Variants in EXT1 observed in about 807,000 individuals in gnomAD.
EXT1 encodes exostosin glycosyltransferase 1, also known as exostosin-1.
EXT1 carries 20 observed loss-of-function variants against 82.5 expected under a neutral mutation model. The ratio of observed to expected loss-of-function variants is 0.24; its 90% CI spans 0.17 to 0.35. EXT1 has a LOEUF of 0.35. EXT1 is among the 10% of genes least tolerant of loss of function. EXT1 has a pLI of 1.00. For synonymous variants in EXT1, 348 were observed against 350.8 expected (o/e 0.99, Z 0.09); for missense variants, 757 against 936.5 (o/e 0.81, Z 2.50).
intron 3 of EXT1, among the ~76,000 whole-genome samples, chr8:117,833,979 T>C (rs955504066): frequency 6.6e-6 from 1 of 152,206 alleles, no homozygotes; most frequent in African/African-American, 2.4e-5. Flanking sequence ...CAGTGGGAAA[T>C]CATTGGCATA....
chr8:117,858,451 C>T (rs1341721418), intron 1 of EXT1, among the ~76,000 whole-genome samples: 1 of 151,942 alleles, frequency 6.6e-6, no homozygotes, highest in Non-Finnish European at 1.5e-5. Flanking sequence ...GCAGGCAGAT[C>T]ATTTGAGGTC....
rs17474797 is a variant in EXT1, at chr8:117,847,801, C to T, written c.963-10600G>A. On this transcript the variant is annotated intron_variant, in intron 1 of 10. Coordinates refer to ENST00000378204, the MANE Select transcript of EXT1 (RefSeq NM_000127.3). Reference sequence around the variant, plus strand: ...CTACTGTTCTCACCCCCAGGGCAGGCACTGTGCAGAGTCTGTCCCGTGACC... The same window carrying T: ...CTACTGTTCTCACCCCCAGGGCAGGTACTGTGCAGAGTCTGTCCCGTGACC... 3.8e-3 allele frequency among the ~76,000 whole-genome samples: 576 copies of T among 152,366 alleles called. 1 individual carries two copies. Among genetic ancestry groups the T allele is most frequent in the African/African-American group, 0.013 (535 of 41,594 alleles).
At chr8:118,069,315 G>A (rs1474791823) in intron 1 of EXT1, among the ~76,000 whole-genome samples, 1 of 152,120 alleles carries the variant, frequency 6.6e-6, no homozygotes, top group East Asian at 1.9e-4. Flanking sequence ...ATCAAAGAGT[G>A]GTCTCACTCT....
intron 1 of EXT1, among the ~76,000 whole-genome samples, chr8:118,040,057 A>G (rs1816501194): frequency 6.6e-6 from 1 of 152,190 alleles, no homozygotes; most frequent in Non-Finnish European, 1.5e-5. Context: ...AAAATCTCAA[A>G]TGAGAAGCAG....
At chr8:117,920,486 T>C (rs1454858464) in intron 1 of EXT1, among the ~76,000 whole-genome samples, 1 of 152,148 alleles carries the variant, frequency 6.6e-6, no homozygotes, top group African/African-American at 2.4e-5. Context: ...CCTAAATCCC[T>C]CCTGTGTTCT....
At chr8:118,087,929 C>T (rs1402529866) in intron 1 of EXT1, among the ~76,000 whole-genome samples, 2 of 122,308 alleles carry the variant, frequency 1.6e-5, no homozygotes, top group African/African-American at 6.7e-5. Flanking sequence ...TTGTTTTATT[C>T]GTTTCAGGGC....
At chr8:117,835,028 C>T (rs1170495626) in intron 3 of EXT1, among the ~76,000 whole-genome samples, 7 of 152,130 alleles carry the variant, frequency 4.6e-5, no homozygotes, top group Non-Finnish European at 1.0e-4. Context: ...GGAACGATAA[C>T]ACTAATTACA....
intron 1 of EXT1, among the ~76,000 whole-genome samples, chr8:117,842,448 G>T (rs1387819682): frequency 6.6e-6 from 1 of 152,062 alleles, no homozygotes; most frequent in African/African-American, 2.4e-5. Context: ...AAGGAATTTG[G>T]GTTCTTGATC....
At chr8:117,900,438 G>T (rs938372073) in intron 1 of EXT1, among the ~76,000 whole-genome samples, 1 of 152,166 alleles carries the variant, frequency 6.6e-6, no homozygotes, top group African/African-American at 2.4e-5. Flanking sequence ...TGCTTCCTGA[G>T]TTCATTCCAA....
At chr8:117,845,535 T>A (rs932249676) in intron 1 of EXT1, among the ~76,000 whole-genome samples, 1 of 138,816 alleles carries the variant, frequency 7.2e-6, no homozygotes, top group Non-Finnish European at 1.5e-5. Flanking sequence ...AACAGCTCAA[T>A]GGCTAATATA....
Position 117,807,247 on chromosome 8 carries a change from A to G in EXT1, c.1853T>C (p.Met618Thr). 6.2e-7 allele frequency: 1 copy of G among 1,614,190 alleles called. No individual in the cohort carries two copies. Among genetic ancestry groups the G allele is most frequent in the South Asian group, 1.1e-5 (1 of 91,076 alleles). The part of the protein sequence containing the change: ...YTSKWTNDYS[M>T]VLTGAAIYHK... ...GTAAATAGCAGCTCCTGTCAACACC[A>G]TGGAGTAGTCGTTCGTCCACTTTGA... Residue 618 changes from methionine to threonine, a missense_variant, in exon 9 of 11, where the codon ATG becomes ACG. By Grantham distance (81) the Met-to-Thr change is moderately conservative. Around this residue, in one of 4 missense-constraint regions of EXT1, gnomAD observed 128 missense variants for 223.2 expected, o/e 0.57. Coordinates refer to ENST00000378204, the MANE Select transcript of EXT1 (RefSeq NM_000127.3).
intron 1 of EXT1, among the ~76,000 whole-genome samples, chr8:117,929,400 C>T (rs1814009634): frequency 6.6e-6 from 1 of 152,214 alleles, no homozygotes; most frequent in African/African-American, 2.4e-5. Context: ...TTCCTCCCTG[C>T]TCTTCAATGT....
At chr8:117,986,768 T>C (rs1250066665) in intron 1 of EXT1, among the ~76,000 whole-genome samples, 1 of 152,192 alleles carries the variant, frequency 6.6e-6, no homozygotes, top group African/African-American at 2.4e-5. Context: ...CATGGAAACA[T>C]TTGCCAAGTG....
chr8:117,822,497 A>G lies in EXT1; in HGVS notation c.1385T>C (p.Leu462Pro), dbSNP rs1427260383. The G allele has an allele frequency of 6.2e-7, 1 of 1,613,426 alleles. No individual in the cohort carries two copies. Among genetic ancestry groups the G allele is most frequent in the African/African-American group, 1.3e-5 (1 of 74,934 alleles). The change falls in exon 5 of 11, where the codon CTG (leucine) becomes CCG (proline). Residue 462 changes from leucine (L) to proline (P), a missense_variant. Coordinates refer to ENST00000378204, the MANE Select transcript of EXT1 (RefSeq NM_000127.3). ...LFVLPQYSSY[L>P]GDFPYYYANL... Reference sequence around the variant, plus strand: ...AGCATAGTAGTAAGGAAAATCTCCCAGATAAGATGAATACTGTGGTAGTAC... The same window carrying G: ...AGCATAGTAGTAAGGAAAATCTCCCGGATAAGATGAATACTGTGGTAGTAC...
chr8:117,997,883 G>C (rs1815580015), intron 1 of EXT1, among the ~76,000 whole-genome samples: 1 of 152,088 alleles, frequency 6.6e-6, no homozygotes, highest in African/African-American at 2.4e-5. Flanking sequence ...GAATCACCCT[G>C]ACTGAGCAGC....
chr8:118,033,797 G>A (rs74654877), intron 1 of EXT1, among the ~76,000 whole-genome samples: 2,256 of 152,250 alleles, frequency 0.015, 60 homozygotes, highest in African/African-American at 0.051. Flanking sequence ...CTCATTTATT[G>A]AATGAAAAGT....
chr8:117,864,110 T>C (rs1454109886), intron 1 of EXT1, among the ~76,000 whole-genome samples: 1 of 152,122 alleles, frequency 6.6e-6, no homozygotes, highest in Non-Finnish European at 1.5e-5. Flanking sequence ...AGAACAACGC[T>C]GAGAAATAGG....
At chr8:117,827,259 T>C (rs1314129328) in intron 4 of EXT1, among the ~76,000 whole-genome samples, 1 of 152,188 alleles carries the variant, frequency 6.6e-6, no homozygotes, top group African/African-American at 2.4e-5. Flanking sequence ...AATAGAGATG[T>C]AGTTTAAGAT....
At chr8:117,887,857 G>A (rs551871339) in intron 1 of EXT1, among the ~76,000 whole-genome samples, 9 of 151,738 alleles carry the variant, frequency 5.9e-5, no homozygotes, top group South Asian at 2.1e-4. Flanking sequence ...AGTCTGAGGC[G>A]GGCGTATCAC....
Sources: gnomAD v4.1 joint callset for allele counts (sites outside exome capture counted in the v4.1 genomes callset) on GRCh38, gnomAD v4.1.1 for gene constraint, gnomAD v4.1.1 regional missense constraint, MANE v1.5 for transcripts, NCBI Gene and HGNC (gene_info 2026-07-23, HGNC 2026-07-21) for gene names.